The following AARS2 variants were observed in gnomAD, a reference collection of about 807,000 sequenced individuals.
AARS2 encodes alanine--tRNA ligase, mitochondrial.
Under a neutral mutation model 119.7 loss-of-function variants are expected in AARS2, and 78 were observed. That is an observed-to-expected ratio of 0.65 (90% confidence interval 0.54 to 0.79). The LOEUF is 0.79. AARS2 is among the 30% of genes least tolerant of loss of function. AARS2 has a pLI of 0.00. For synonymous variants in AARS2, 502 were observed against 526.3 expected (o/e 0.95, Z 0.63); for missense variants, 1,157 against 1,291.3 (o/e 0.90, Z 1.59).
At chr6:44,302,022 G>A (rs758522945) in intron 19 of AARS2, 38 bp downstream of exon 19, 7 of 1,601,828 alleles carry the variant, frequency 4.4e-6, no homozygotes, top group Non-Finnish European at 6.0e-6. Flanking sequence ...CTGCTGGAGT[G>A]TCTCTGGGCA....
chr6:44,312,306 T>C (rs1458025842), intron 1 of AARS2, 43 bp from the exon 2 acceptor site: 1 of 1,588,372 alleles, frequency 6.3e-7, no homozygotes, highest in East Asian at 2.2e-5. Flanking sequence ...GATATCCAAT[T>C]TCTCAGTAGA....
chr6:44,301,298 C>T lies in AARS2; in HGVS notation c.2683-32G>A, dbSNP rs749453427. 11 of 1,613,552 alleles carry T rather than the reference C, an allele frequency of 6.8e-6. No homozygotes were observed. In the South Asian group the frequency reaches 8.8e-5, roughly 13 times the overall value. Reference sequence around the variant, plus strand: ...CACGAAAGACAGATGGTGAGCCCATCGCTTCCCAGACCCCTAGCTGTCTCC... The same window carrying T: ...CACGAAAGACAGATGGTGAGCCCATTGCTTCCCAGACCCCTAGCTGTCTCC... On this transcript the variant is annotated intron_variant, in intron 20 of 21. Coordinates refer to ENST00000244571, the MANE Select transcript of AARS2 (RefSeq NM_020745.4).
rs1304455591 is a variant in AARS2, at chr6:44,304,279, G to A, written c.1909C>T (p.Leu637=). Residue 637 remains leucine (L), a synonymous_variant, in exon 14 of 22, where the codon CTG becomes TTG. Coordinates refer to ENST00000244571, the MANE Select transcript of AARS2 (RefSeq NM_020745.4). ...GCMAKHTATH[L]LNWALRQTLG... ...GTCTGCCTCAGTGCCCAGTTCAGCAGGTGGGTGGCCGTATGCTTCGCCATG... is the reference window on the plus strand; with the variant it reads ...GTCTGCCTCAGTGCCCAGTTCAGCAAGTGGGTGGCCGTATGCTTCGCCATG... 1 of 1,614,088 alleles carries A rather than the reference G, an allele frequency of 6.2e-7. No individual in the cohort carries two copies. Among genetic ancestry groups the A allele is most frequent in the African/African-American group, 1.3e-5 (1 of 74,914 alleles).
chr6:44,302,834 GGCGGGTAGTGCC>G lies in AARS2; in HGVS notation c.2320_2331del (p.Gly774_Arg777del). On this transcript the variant is annotated inframe_deletion, in exon 17 of 22. Coordinates refer to ENST00000244571, the MANE Select transcript of AARS2 (RefSeq NM_020745.4). Reference sequence around the variant, plus strand: ...GCCTGCTCCCCAGTGACGGCCAGCAGGCGGGTAGTGCCCTTGGAAAGCTGGCGGTCCCCGATG... The same window carrying G: ...GCCTGCTCCCCAGTGACGGCCAGCAGCTTGGAAAGCTGGCGGTCCCCGATG... 1 of 1,614,044 alleles carries G rather than the reference GGCGGGTAGTGCC, an allele frequency of 6.2e-7. No homozygotes were observed. The highest frequency in any genetic ancestry group is 1.1e-5 in the South Asian group (1 of 91,068).
In AARS2 at chr6:44,305,767, C is replaced by T. The variant is rs759161776; in HGVS notation, c.1320G>A (p.Leu440=). The stretch of plus-strand genomic sequence containing the variant: ...GGAGTCCCAGGTCTCCACACAGTGA[C>T]AAGGACCAGGCCACTTCAGCTTTGA... ...DMFPAEVAWS[L]SLCGDLGLPL... is the part of the protein sequence containing the mutation. Residue 440 remains leucine (L), a synonymous_variant, in exon 10 of 22, where the codon TTG becomes TTA. Coordinates refer to ENST00000244571, the MANE Select transcript of AARS2 (RefSeq NM_020745.4). This position sits in a 1 kb window ranked among gnomAD's most constrained non-coding sequence, Gnocchi z 4.6. The T allele has an allele frequency of 2.9e-5, 46 of 1,614,020 alleles. No individual in the cohort carries two copies. Among genetic ancestry groups the T allele is most frequent in the Non-Finnish European group, 3.6e-5 (43 of 1,180,024 alleles).
chr6:44,306,551 G>A lies in AARS2; in HGVS notation c.1150-19C>T. On this transcript the variant is annotated intron_variant, in intron 7 of 21. Coordinates refer to ENST00000244571, the MANE Select transcript of AARS2 (RefSeq NM_020745.4). ...CATCTCCCTGGGGGAGGTGGAGAGG[G>A]CTGAGGAGGTGTGAAAGGCAACCAA... 4 of 1,614,146 alleles carry A rather than the reference G, an allele frequency of 2.5e-6. No individual in the cohort carries two copies. Among genetic ancestry groups the A allele is most frequent in the Non-Finnish European group, 3.4e-6 (4 of 1,180,014 alleles).
In AARS2 at chr6:44,307,198, A is replaced by G. The variant is rs775558913; in HGVS notation, c.1040+51T>C. Reference sequence around the variant, plus strand: ...ACCTCTCCTGTTCCCTCCCTCCTCCACCTGAGACCCCCAGCAGCCCCTGTC... The same window carrying G: ...ACCTCTCCTGTTCCCTCCCTCCTCCGCCTGAGACCCCCAGCAGCCCCTGTC... On this transcript the variant is annotated intron_variant, in intron 6 of 21. Coordinates refer to ENST00000244571, the MANE Select transcript of AARS2 (RefSeq NM_020745.4). The surrounding 1 kb of genome is among the most constrained non-coding windows in gnomAD (Gnocchi z 4.4). The G allele has an allele frequency of 8.1e-6, 13 of 1,611,144 alleles. No homozygotes were observed. The highest frequency in any genetic ancestry group is 1.0e-5 in the Non-Finnish European group (12 of 1,179,086).
In AARS2 at chr6:44,304,034, G is replaced by C. The variant is rs1785602346; in HGVS notation, c.2007+147C>G. The stretch of plus-strand genomic sequence containing the variant: ...CACTGCTGCACAAGGAGCCCAAGGG[G>C]AAAGGACTTGCCCAGGGTCCCATAG... On this transcript the variant is annotated intron_variant, in intron 14 of 21. Coordinates refer to ENST00000244571, the MANE Select transcript of AARS2 (RefSeq NM_020745.4). 5 of 1,194,076 alleles carry C rather than the reference G, an allele frequency of 4.2e-6. No individual in the cohort carries two copies. In the South Asian group the frequency reaches 6.5e-5, roughly 15 times the overall value. 74.0% of individuals were successfully genotyped at this position (1,194,076 alleles called of 1,614,324 possible). A position where few individuals can be genotyped will look rare whatever the true frequency, so the allele number is the denominator to read the frequency against.
At chr6:44,302,370 G>A (rs1785434227) in intron 18 of AARS2, 21 bp downstream of exon 18, 1 of 1,614,034 alleles carries the variant, frequency 6.2e-7, no homozygotes, top group South Asian at 1.1e-5. Flanking sequence ...GAGAGGGTGG[G>A]GTGGTAGGCG....
intron 21 of AARS2, 78 bp downstream of exon 21, chr6:44,301,078 A>C: frequency 3.0e-6 from 4 of 1,345,462 alleles, no homozygotes; most frequent in Non-Finnish European, 4.2e-6. Context: ...TTTGGGAGGA[A>C]TTAAAGGTGT....
In AARS2 at chr6:44,302,181, A is replaced by G; in HGVS notation, c.2488-11T>C. The G allele has an allele frequency of 6.2e-7, 1 of 1,613,982 alleles. No homozygotes were observed. Among genetic ancestry groups the G allele is most frequent in the Non-Finnish European group, 8.5e-7 (1 of 1,179,972 alleles). On this transcript the variant is annotated splice_polypyrimidine_tract_variant and intron_variant, in intron 18 of 21. Coordinates refer to ENST00000244571, the MANE Select transcript of AARS2 (RefSeq NM_020745.4). Reference sequence around the variant, plus strand: ...AGCAGTTTCCACAGCCTATGGCCAGAAGCAGTACATCACCCCTGCCCTTCC... The same window carrying G: ...AGCAGTTTCCACAGCCTATGGCCAGGAGCAGTACATCACCCCTGCCCTTCC...
rs167772 is a variant in AARS2, at chr6:44,313,075, C to T, written c.243+6G>A. The T allele has an allele frequency of 0.54, 873,262 of 1,612,314 alleles. 239,600 individuals are homozygous for T. Among genetic ancestry groups the T allele is most frequent in the Admixed American group, 0.62 (37,322 of 59,866 alleles). On this transcript the variant is annotated splice_donor_region_variant and intron_variant, in intron 1 of 21. Coordinates refer to ENST00000244571, the MANE Select transcript of AARS2 (RefSeq NM_020745.4). ...CCGCTCCCTATCAGTATGGTTCGGC[C>T]CTCACCTGGTTCATGCCCGCATTGA...
chr6:44,310,524 G>C (rs540342302), intron 4 of AARS2, 81 bp from the exon 5 acceptor site: 31 of 1,513,334 alleles, frequency 2.0e-5, no homozygotes, highest in Non-Finnish European at 2.5e-5. Context: ...GTAGAGAAAT[G>C]GGGGGGGGCC....
rs748288072 is a variant in AARS2 at position 44,305,771 on chromosome 6, G to A, written c.1316C>T (p.Ser439Phe). 4.3e-6 allele frequency: 7 copies of A among 1,614,006 alleles called. No homozygotes were observed. In the Admixed American group the frequency reaches 1.2e-4, roughly 27 times the overall value. ...TCCCAGGTCTCCACACAGTGACAAG[G>A]ACCAGGCCACTTCAGCTTTGAGAAA... The part of the protein sequence containing the change: ...SDMFPAEVAW[S>F]LSLCGDLGLP... Residue 439 changes from serine (S) to phenylalanine (F), a missense_variant, in exon 10 of 22, where the codon TCC (serine) becomes TTC (phenylalanine). Transcript: ENST00000244571. The surrounding 1 kb of genome is among the most constrained non-coding windows in gnomAD (Gnocchi z 4.6).
intron 21 of AARS2, 82 bp from the exon 22 acceptor site, chr6:44,300,793 C>G (rs1785290080): frequency 2.0e-5 from 31 of 1,528,914 alleles, no homozygotes; most frequent in Non-Finnish European, 2.8e-5. Context: ...AAGAGTGGAG[C>G]TGAAGGTCAT....
intron 3 of AARS2, 42 bp downstream of exon 3, chr6:44,311,348 T>TC: frequency 3.7e-6 from 6 of 1,613,998 alleles, no homozygotes; most frequent in Non-Finnish European, 5.1e-6. Flanking sequence ...TTTCCAGTCC[T>TC]CCTGACCTCC....
chr6:44,310,344 G>A lies in AARS2; in HGVS notation c.849C>T (p.Thr283=). 1.9e-6 allele frequency: 3 copies of A among 1,613,024 alleles called. No homozygotes were observed. The highest frequency in any genetic ancestry group is 2.5e-6 in the Non-Finnish European group (3 of 1,179,570). Residue 283 remains threonine (T), a synonymous_variant, in exon 5 of 22, where the codon ACC becomes ACT. Transcript: ENST00000244571. ...LVAVLQGKHS[T]YDTDLFSPLL... ...GCGGGGAAAAGAGGTCAGTGTCATAGGTGGAGTGTTTGCCTTGCAGCACAG... is the reference window on the plus strand; with the variant it reads ...GCGGGGAAAAGAGGTCAGTGTCATAAGTGGAGTGTTTGCCTTGCAGCACAG...
intron 16 of AARS2, 34 bp downstream of exon 16, chr6:44,303,032 C>G: frequency 1.2e-6 from 2 of 1,611,760 alleles, no homozygotes; most frequent in Non-Finnish European, 1.7e-6. Context: ...GGATCCGGGG[C>G]CCCTGGGCCA....
In AARS2 at chr6:44,311,327, G is replaced by A. The variant is rs1256309003; in HGVS notation, c.581+63C>T. 38 of 1,611,138 alleles carry A rather than the reference G, an allele frequency of 2.4e-5. 1 individual carries two copies. The Admixed American group carries it at 6.0e-4, about 25-fold the overall frequency. ...GCTAAGACTCTGAGGATTGGTGCTGGTAGTCTCCACTTTCCAGTCCTCCTG... is the reference window on the plus strand; with the variant it reads ...GCTAAGACTCTGAGGATTGGTGCTGATAGTCTCCACTTTCCAGTCCTCCTG... On this transcript the variant is annotated intron_variant, in intron 3 of 21. Transcript: ENST00000244571.
Sources: allele counts gnomAD v4.1 joint callset, GRCh38; gene constraint gnomAD v4.1.1; non-coding constraint Gnocchi (gnomAD v3.1); transcripts MANE v1.5; gene names NCBI Gene and HGNC (gene_info 2026-07-23, HGNC 2026-07-21).